The following ASPRV1 variants were observed in gnomAD, a reference collection of about 807,000 sequenced individuals.
The protein encoded by ASPRV1 is retroviral-like aspartic protease 1.
ASPRV1 carries 7 observed loss-of-function variants against 11.0 expected under a neutral mutation model. The observed-to-expected ratio is 0.64, with a 90% CI of 0.36 to 1.20. The LOEUF (loss-of-function observed/expected upper bound fraction) is 1.20, where lower values mean the gene tolerates loss of function less well. ASPRV1 is among the 50% of genes most tolerant of loss of function. ASPRV1 has a pLI of 0.02. For missense variants in ASPRV1, 299 were observed against 320.0 expected, an observed-to-expected ratio of 0.93 and a Z score of 0.50; for synonymous variants, 136 against 138.4, an observed-to-expected ratio of 0.98 and a Z score of 0.12.
chr2:70,010,616 A>T, the ASPRV1 span, among the ~76,000 whole-genome samples: 1 of 152,192 alleles, frequency 6.6e-6, no homozygotes, highest in Non-Finnish European at 1.5e-5. Context: ...GAAGTATTTA[A>T]CAGGGAAATT....
chr2:69,964,380 G>A, upstream of ASPRV1: 1 of 453,420 alleles, frequency 2.2e-6, no homozygotes, highest in Middle Eastern at 3.3e-4. Flanking sequence ...GTGAGAGCTG[G>A]AAGGAGTTGG....
the ASPRV1 span, chr2:69,937,977 C>A: frequency 1.1e-6 from 1 of 891,670 alleles, no homozygotes; most frequent in Non-Finnish European, 1.7e-6. Flanking sequence ...AAACTCCTAA[C>A]CTCAAGTGAT....
the ASPRV1 span, among the ~76,000 whole-genome samples, chr2:70,057,453 C>A: frequency 6.6e-6 from 1 of 151,838 alleles, no homozygotes; most frequent in African/African-American, 2.4e-5. Context: ...TGTCATTTTT[C>A]TTTTTCCTGC....
At chr2:70,005,368 GTTTCT>G in the ASPRV1 span, among the ~76,000 whole-genome samples, 9 of 152,162 alleles carry the variant, frequency 5.9e-5, no homozygotes, top group Middle Eastern at 3.4e-3. Flanking sequence ...CCAGCCTGTG[GTTTCT>G]TTTATCAATG....
chr2:70,020,411 G>C, the ASPRV1 span, among the ~76,000 whole-genome samples: 5 of 152,156 alleles, frequency 3.3e-5, no homozygotes, highest in African/African-American at 9.7e-5. Flanking sequence ...GTTCAGCCAT[G>C]AAGAGGAAGT....
At chr2:69,966,720 C>A in the ASPRV1 span, among the ~76,000 whole-genome samples, 6 of 152,198 alleles carry the variant, frequency 3.9e-5, no homozygotes, top group African/African-American at 1.4e-4. Context: ...ACCTCAAAGG[C>A]AGCTTTGAAC....
the ASPRV1 span, among the ~76,000 whole-genome samples, chr2:70,065,594 T>G: frequency 1.3e-5 from 2 of 151,516 alleles, no homozygotes; most frequent in African/African-American, 2.4e-5. Context: ...TCTGAAGAGA[T>G]AGCATTTAAA....
the ASPRV1 span, among the ~76,000 whole-genome samples, chr2:69,952,600 A>C: frequency 6.6e-6 from 1 of 152,154 alleles, no homozygotes; most frequent in Non-Finnish European, 1.5e-5. Flanking sequence ...AAAAGAAAAG[A>C]AAAAGAAAAG....
the ASPRV1 span, among the ~76,000 whole-genome samples, chr2:70,053,022 C>A: frequency 2.0e-5 from 3 of 152,138 alleles, no homozygotes; most frequent in Admixed American, 6.6e-5. Flanking sequence ...CATGTCCTCT[C>A]CTCCATGCCT....
chr2:70,058,395 A>C, the ASPRV1 span, among the ~76,000 whole-genome samples: 13 of 151,940 alleles, frequency 8.6e-5, no homozygotes, highest in Admixed American at 2.0e-4. Context: ...GGCACGCGCC[A>C]CTGCACTCAG....
At chr2:69,991,049 C>T in the ASPRV1 span, among the ~76,000 whole-genome samples, 1 of 152,202 alleles carries the variant, frequency 6.6e-6, no homozygotes, top group Non-Finnish European at 1.5e-5. Context: ...GTCCCTCTCT[C>T]ATCTTTGGTG....
chr2:70,026,263 G>A, the ASPRV1 span, among the ~76,000 whole-genome samples: 724 of 152,000 alleles, frequency 4.8e-3, 5 homozygotes, highest in Non-Finnish European at 8.0e-3. Context: ...GAAAACAAGA[G>A]TGAAACTCCA....
chr2:70,076,610 A>G, the ASPRV1 span, among the ~76,000 whole-genome samples: 4 of 152,236 alleles, frequency 2.6e-5, no homozygotes, highest in Non-Finnish European at 5.9e-5. Flanking sequence ...AGTCAAAAAC[A>G]TATTTGATAC....
chr2:69,982,105 A>G, the ASPRV1 span, among the ~76,000 whole-genome samples: 1 of 151,888 alleles, frequency 6.6e-6, no homozygotes. Flanking sequence ...CGGGCACAAG[A>G]GCTGCAATGC....
the ASPRV1 span, among the ~76,000 whole-genome samples, chr2:70,026,344 T>C: frequency 2.0e-5 from 3 of 147,754 alleles, no homozygotes; most frequent in Admixed American, 6.8e-5. Context: ...TTATTTAACA[T>C]AGACCTGGAA....
chr2:70,007,382 G>A, the ASPRV1 span, among the ~76,000 whole-genome samples: 1 of 152,028 alleles, frequency 6.6e-6, no homozygotes, highest in African/African-American at 2.4e-5. Flanking sequence ...TGAGCCGGGC[G>A]TGTTGGCGCA....
chr2:70,001,840 TA>T, the ASPRV1 span, among the ~76,000 whole-genome samples: 4 of 152,078 alleles, frequency 2.6e-5, no homozygotes, highest in Admixed American at 6.5e-5. Flanking sequence ...GTTAATAACC[TA>T]AAGTGGCAAT....
At chr2:69,953,720 T>C in the ASPRV1 span, among the ~76,000 whole-genome samples, 1 of 151,420 alleles carries the variant, frequency 6.6e-6, no homozygotes, top group Non-Finnish European at 1.5e-5. Context: ...TTTTTCTTTC[T>C]TTTTTGAGAG....
the ASPRV1 span, among the ~76,000 whole-genome samples, chr2:69,948,059 G>A: frequency 6.7e-6 from 1 of 149,922 alleles, no homozygotes; most frequent in African/African-American, 2.5e-5. Flanking sequence ...GTAAGCCAGA[G>A]AGACAGAGGG....
Sources: gnomAD v4.1 joint callset for allele counts (sites outside exome capture counted in the v4.1 genomes callset) on GRCh38, gnomAD v4.1.1 for gene constraint, MANE v1.5 for transcripts, NCBI Gene and HGNC (gene_info 2026-07-23, HGNC 2026-07-21) for gene names.